FYB2: variants seen among roughly 807,000 people sequenced by gnomAD.
The protein encoded by FYB2 is FYN-binding protein 2.
FYB2 carries 103 observed loss-of-function variants against 94.1 expected under a neutral mutation model. That is an observed-to-expected ratio of 1.09 (90% CI 0.93 to 1.29). The LOEUF (loss-of-function observed/expected upper bound fraction) is 1.29. FYB2 is among the 50% of genes most tolerant of loss of function. The probability of loss-of-function intolerance (pLI) is 0.00; values close to 1 mark genes in which losing one functional copy is unlikely to be tolerated. For missense variants in FYB2, 896 were observed against 841.5 expected, an observed-to-expected ratio of 1.06 and a Z score of -0.80; for synonymous variants, 293 against 287.9, an observed-to-expected ratio of 1.02 and a Z score of -0.18.
intron 1 of FYB2, among the ~76,000 whole-genome samples, chr1:56,816,866 T>TC (rs961156746): frequency 7.4e-5 from 11 of 149,000 alleles, no homozygotes; most frequent in South Asian, 2.1e-4. Context: ...CAATTTTCTT[T>TC]TTTTTTTTTT....
upstream of FYB2, chr1:56,819,493 C>A (rs1646962966): frequency 1.5e-6 from 1 of 683,984 alleles, no homozygotes. Flanking sequence ...CGGCCGCCAT[C>A]CTCCCAGCTT....
intron 15 of FYB2, among the ~76,000 whole-genome samples, chr1:56,734,186 T>C (rs1205661464): frequency 6.6e-6 from 1 of 152,168 alleles, no homozygotes; most frequent in Non-Finnish European, 1.5e-5. Flanking sequence ...TTTGTGTCTT[T>C]TGATCTTTGT....
chr1:56,793,738 GAAAA>G (rs61663036), intron 1 of FYB2, among the ~76,000 whole-genome samples: 26 of 80,666 alleles, frequency 3.2e-4, no homozygotes, highest in Middle Eastern at 7.6e-3. Context: ...AACGAAAGTT[GAAAA>G]AAAAAAAAAA....
intron 1 of FYB2, among the ~76,000 whole-genome samples, chr1:56,806,001 A>G (rs1475809524): frequency 6.6e-6 from 1 of 152,206 alleles, no homozygotes; most frequent in Non-Finnish European, 1.5e-5. Flanking sequence ...AATCAACTCT[A>G]TGCTATACGA....
rs1314179707 is a variant in FYB2, at chr1:56,792,287, C to T, written c.526G>A (p.Gly176Arg). The change falls in exon 2 of 20, where the codon GGG (glycine) becomes AGG (arginine). Residue 176 changes from glycine (G) to arginine (R), a missense_variant. Transcript: ENST00000343433. ...TTCCTGGGTTCCTCTGGAGTAAGCC[C>T]CATGCCTTTTTGCCCTTCCAGATGG... ...AIHLEGQKGM[G>R]LTPEEPRKKL... 4 of 1,613,948 alleles carry T rather than the reference C, an allele frequency of 2.5e-6. No homozygotes were observed. The highest frequency in any genetic ancestry group is 1.7e-5 in the Admixed American group (1 of 59,996).
At chr1:56,784,767 C>T (rs1646094785) in intron 4 of FYB2, among the ~76,000 whole-genome samples, 1 of 152,178 alleles carries the variant, frequency 6.6e-6, no homozygotes, top group South Asian at 2.1e-4. Context: ...GTCCATCTGT[C>T]CATTCATTCA....
intron 8 of FYB2, among the ~76,000 whole-genome samples, chr1:56,751,877 G>T (rs1481968697): frequency 2.6e-5 from 4 of 152,008 alleles, no homozygotes; most frequent in Non-Finnish European, 5.9e-5. Flanking sequence ...CAGCAGTATT[G>T]CTCACTGTCT....
At chr1:56,737,452 T>C (rs532582494) in intron 14 of FYB2, 1 of 224,050 alleles carries the variant, frequency 4.5e-6, no homozygotes, top group Non-Finnish European at 8.5e-6. Flanking sequence ...AAAGAGTCAT[T>C]TTTAGACTAA....
intron 12 of FYB2, among the ~76,000 whole-genome samples, chr1:56,741,050 G>T (rs896061676): frequency 6.6e-6 from 1 of 151,956 alleles, no homozygotes; most frequent in African/African-American, 2.4e-5. Flanking sequence ...TAGACTAGAA[G>T]CCCATACCTC....
Position 56,723,678 on chromosome 1 carries a change from G to C in FYB2, c.1884C>G (p.Phe628Leu), listed in dbSNP as rs1169988842. Residue 628 changes from phenylalanine (F) to leucine (L), a missense_variant, in exon 17 of 20, where the codon TTC (phenylalanine) becomes TTG (leucine). Coordinates refer to ENST00000343433, the MANE Select transcript of FYB2 (RefSeq NM_001004303.5). The part of the protein sequence containing the change: ...EKNGAEESES[F>L]SPRNFFKTKK... ...TGGTTTTGAAGAAATTTCTAGGAGA[G>C]AAACTAGCAAGAAATGTGCAGGTAG... 7.8e-6 allele frequency: 12 copies of C among 1,538,824 alleles called. No individual in the cohort carries two copies. Among genetic ancestry groups the C allele is most frequent in the Non-Finnish European group, 1.1e-5 (12 of 1,118,510 alleles).
intron 1 of FYB2, among the ~76,000 whole-genome samples, chr1:56,809,559 T>C (rs2101070451): frequency 6.6e-6 from 1 of 152,312 alleles, no homozygotes; most frequent in South Asian, 2.1e-4. Flanking sequence ...CCATGTTTAT[T>C]GTCTGAAAAA....
intron 2 of FYB2, among the ~76,000 whole-genome samples, chr1:56,789,875 G>A (rs184178966): frequency 1.6e-3 from 251 of 152,198 alleles, no homozygotes; most frequent in African/African-American, 5.8e-3. Context: ...GCAAATAAGT[G>A]GCTCTATAAA....
At chr1:56,789,552 CT>C (rs1319221473) in intron 2 of FYB2, among the ~76,000 whole-genome samples, 2 of 152,186 alleles carry the variant, frequency 1.3e-5, no homozygotes, top group Non-Finnish European at 2.9e-5. Context: ...ACACTTTTCC[CT>C]TTCTTGGCAA....
At chr1:56,763,083 T>C (rs1381117903) in intron 5 of FYB2, among the ~76,000 whole-genome samples, 1 of 152,234 alleles carries the variant, frequency 6.6e-6, no homozygotes, top group Non-Finnish European at 1.5e-5. Context: ...TGCACCCTTA[T>C]ATACCACAAC....
At chr1:56,726,446 G>T in intron 16 of FYB2, 51 bp downstream of exon 16, 1 of 1,507,168 alleles carries the variant, frequency 6.6e-7, no homozygotes. Flanking sequence ...GCTAGTAAGA[G>T]GTATAAATTG....
chr1:56,753,279 C>T (rs1243242397), intron 8 of FYB2, among the ~76,000 whole-genome samples: 1 of 152,092 alleles, frequency 6.6e-6, no homozygotes, highest in African/African-American at 2.4e-5. Flanking sequence ...TATGGATATA[C>T]ACACATTCAC....
At position 56,719,502 on chromosome 1, in the gene FYB2, A is replaced by C; in HGVS notation, c.*169T>G. 1.7e-6 allele frequency: 1 copy of C among 581,976 alleles called. No individual in the cohort carries two copies. 36.1% of individuals were successfully genotyped at this position (581,976 alleles called of 1,614,324 possible). Reference sequence around the variant, plus strand: ...CTTTTAGGAGTAAAACCAACATCTAAATGTTGAGGATTTGTTTTTATTTTT... The same window carrying C: ...CTTTTAGGAGTAAAACCAACATCTACATGTTGAGGATTTGTTTTTATTTTT... On this transcript the variant is annotated 3_prime_UTR_variant, in exon 20 of 20. Coordinates refer to ENST00000343433, the MANE Select transcript of FYB2 (RefSeq NM_001004303.5).
At chr1:56,736,335 G>C (rs857126) in intron 15 of FYB2, among the ~76,000 whole-genome samples, 114,166 of 151,832 alleles carry the variant, frequency 0.75, 44,092 homozygotes, top group African/African-American at 0.94. Context: ...CAAACATGAA[G>C]AGAGGAGACT....
At chr1:56,789,767 G>A (rs1385941037) in intron 2 of FYB2, among the ~76,000 whole-genome samples, 1 of 152,128 alleles carries the variant, frequency 6.6e-6, no homozygotes, top group Non-Finnish European at 1.5e-5. Flanking sequence ...GGGTGGGGAT[G>A]GTTTTGTATT....
Sources: gnomAD v4.1 joint callset for allele counts (sites outside exome capture counted in the v4.1 genomes callset) on GRCh38, gnomAD v4.1.1 for gene constraint, MANE v1.5 for transcripts, NCBI Gene and HGNC (gene_info 2026-07-23, HGNC 2026-07-21) for gene names.